The following NBPF3 variants were observed in gnomAD, a reference collection of about 807,000 sequenced individuals.
The protein encoded by NBPF3 is NBPF member 3, also known as NBPF family member NBPF3.
Under a neutral mutation model 78.1 loss-of-function variants are expected in NBPF3, and 57 were observed. That is an observed-to-expected ratio of 0.73 (90% CI 0.59 to 0.91). NBPF3 has a LOEUF of 0.91. Ranked by LOEUF, NBPF3 falls within the 40% of genes least tolerant of loss-of-function variation. NBPF3 has a pLI of 0.00. For synonymous variants in NBPF3, 182 were observed against 271.7 expected (o/e 0.67, Z 3.25); for missense variants, 510 against 715.3 (o/e 0.71, Z 3.27).
intron 2 of NBPF3, chr1:21,466,149 G>A: frequency 1.3e-5 from 13 of 985,308 alleles, no homozygotes; most frequent in Non-Finnish European, 1.6e-5. Flanking sequence ...TGGTTCAGCA[G>A]GACGAGGGTA....
intron 4 of NBPF3, 22 bp downstream of exon 4, chr1:21,470,756 A>C: frequency 6.5e-7 from 1 of 1,533,750 alleles, no homozygotes; most frequent in Non-Finnish European, 9.0e-7. Context: ...CCCTGGGGTC[A>C]GGCAGGTGGG....
At chr1:21,473,331 T>G in intron 6 of NBPF3, 49 bp from the exon 7 acceptor site, 1 of 1,593,174 alleles carries the variant, frequency 6.3e-7, no homozygotes, top group Non-Finnish European at 8.6e-7. Flanking sequence ...TGGTGTCCAA[T>G]CCCTCTGTGT....
Position 21,468,793 on chromosome 1 carries a change from C to T in NBPF3, c.239C>T (p.Ser80Leu), listed in dbSNP as rs545309470. Residue 80 changes from serine (S) to leucine (L), a missense_variant, in exon 3 of 15, where the codon TCG becomes TTG. By Grantham distance (145) the Ser-to-Leu change is moderately radical. Transcript: ENST00000318249. ...EMNILEINKK[S>L]RPQLAENKQQ... ...AACATTCTAGAAATCAACAAGAAAT[C>T]GCGCCCCCAGCTGGCAGAGAACAAA... The T allele has an allele frequency of 1.8e-5, 29 of 1,614,050 alleles. No homozygotes were observed. The highest frequency in any genetic ancestry group is 1.6e-4 in the Middle Eastern group (1 of 6,062).
rs568449921 is a variant in NBPF3 at position 21,455,572 on chromosome 1, G to C, written c.133+10353G>C. On this transcript the variant is annotated intron_variant, in intron 2 of 14. Transcript: ENST00000318249. ...AAGGGGGAAGCCCCATGATTTCCTAGTTCTTTGGGGAGAATTTCTCAGCAG... is the reference window on the plus strand; with the variant it reads ...AAGGGGGAAGCCCCATGATTTCCTACTTCTTTGGGGAGAATTTCTCAGCAG... Among the ~76,000 whole-genome samples the C allele has an allele frequency of 1.1e-3, 170 of 152,348 alleles. 2 individuals are homozygous for C. The highest frequency in any genetic ancestry group is 6.8e-3 in the Middle Eastern group (2 of 294).
intron 5 of NBPF3, among the ~76,000 whole-genome samples, chr1:21,472,065 C>T (rs1642630115): frequency 6.6e-6 from 1 of 152,208 alleles, no homozygotes; most frequent in Non-Finnish European, 1.5e-5. Flanking sequence ...AGGAAGGAGG[C>T]TGTGACGGGA....
chr1:21,454,725 TC>T (rs1423051753), intron 2 of NBPF3, among the ~76,000 whole-genome samples: 1 of 152,128 alleles, frequency 6.6e-6, no homozygotes, highest in African/African-American at 2.4e-5. Flanking sequence ...CAGGCATCCC[TC>T]TCCCACCGTT....
chr1:21,477,336 C>T (rs1642936799), intron 8 of NBPF3, among the ~76,000 whole-genome samples: 1 of 152,206 alleles, frequency 6.6e-6, no homozygotes, highest in South Asian at 2.1e-4. Flanking sequence ...AGCTCTGATC[C>T]TTTGGAGGAG....
Position 21,445,238 on chromosome 1 carries a change from T to G in NBPF3, c.133+19T>G, listed in dbSNP as rs1391859902. On this transcript the variant is annotated intron_variant, in intron 2 of 14. Coordinates refer to ENST00000318249, the MANE Select transcript of NBPF3 (RefSeq NM_032264.6). ...CCAACAGGTAAAAATCCCGAGGCAT[T>G]GCCAGCTCGGTGGGGTCAGAGAGTC... The G allele has an allele frequency of 6.2e-7, 1 of 1,609,924 alleles. No individual in the cohort carries two copies. The highest frequency in any genetic ancestry group is 8.5e-7 in the Non-Finnish European group (1 of 1,178,422).
Sources: gnomAD v4.1 joint callset for allele counts (sites outside exome capture counted in the v4.1 genomes callset) on GRCh38, gnomAD v4.1.1 for gene constraint, MANE v1.5 for transcripts, NCBI Gene and HGNC (gene_info 2026-07-23, HGNC 2026-07-21) for gene names.